Variants in SLC60A1 observed in about 807,000 individuals in gnomAD.
The protein encoded by SLC60A1 is solute carrier family 60 member 1.
At chr1:205,579,875 A>G in the SLC60A1 span, 33 of 1,614,112 alleles carry the variant, frequency 2.0e-5, no homozygotes, top group South Asian at 3.5e-4. Flanking sequence ...GGGCTTGGCC[A>G]TGGGCTGCAT....
chr1:205,570,540 A>G, the SLC60A1 span, among the ~76,000 whole-genome samples: 1 of 152,244 alleles, frequency 6.6e-6, no homozygotes, highest in African/African-American at 2.4e-5. Flanking sequence ...GTGTCAGTAC[A>G]GATGGACCCC....
the SLC60A1 span, chr1:205,586,107 A>G: frequency 6.2e-7 from 1 of 1,613,186 alleles, no homozygotes; most frequent in Non-Finnish European, 8.5e-7. Context: ...GTGGCTGGCT[A>G]CCTCCCCAGC....
chr1:205,599,099 T>A, the SLC60A1 span: 26 of 1,611,648 alleles, frequency 1.6e-5, no homozygotes, highest in East Asian at 5.4e-4. Flanking sequence ...AAGTTTTAAT[T>A]GTCTGTCTCT....
chr1:205,576,329 G>T, the SLC60A1 span, among the ~76,000 whole-genome samples: 2 of 152,222 alleles, frequency 1.3e-5, no homozygotes, highest in East Asian at 1.9e-4. Context: ...CACCTGGGAG[G>T]GGTGGCAAGT....
chr1:205,595,676 C>T, the SLC60A1 span, among the ~76,000 whole-genome samples: 1 of 152,286 alleles, frequency 6.6e-6, no homozygotes, highest in South Asian at 2.1e-4. Flanking sequence ...TCAATTTTCT[C>T]ATCTGTAAAA....
the SLC60A1 span, among the ~76,000 whole-genome samples, chr1:205,588,225 A>G: frequency 8.5e-5 from 13 of 152,192 alleles, no homozygotes; most frequent in Middle Eastern, 3.4e-3. Flanking sequence ...TAATCCCAGA[A>G]CTTTGGGAGG....
the SLC60A1 span, chr1:205,601,731 A>C: frequency 6.6e-6 from 1 of 152,294 alleles, no homozygotes; most frequent in Admixed American, 6.6e-5. Flanking sequence ...CTACAGGCGC[A>C]TGCCATCACG....
At chr1:205,590,294 G>C in the SLC60A1 span, among the ~76,000 whole-genome samples, 7 of 152,310 alleles carry the variant, frequency 4.6e-5, no homozygotes, top group African/African-American at 1.7e-4. Flanking sequence ...AGAGGGGAAA[G>C]CAAGAACAAA....
chr1:205,575,558 C>G, the SLC60A1 span, among the ~76,000 whole-genome samples: 1 of 152,110 alleles, frequency 6.6e-6, no homozygotes, highest in Non-Finnish European at 1.5e-5. Context: ...AACAGGTGCT[C>G]AAGGCAAGGC....
At chr1:205,576,727 C>T in the SLC60A1 span, among the ~76,000 whole-genome samples, 3 of 152,180 alleles carry the variant, frequency 2.0e-5, no homozygotes, top group African/African-American at 7.2e-5. Flanking sequence ...AACAGCATAT[C>T]ATTCTAAAGA....
At chr1:205,588,710 A>C in the SLC60A1 span, among the ~76,000 whole-genome samples, 1 of 152,180 alleles carries the variant, frequency 6.6e-6, no homozygotes, top group Non-Finnish European at 1.5e-5. Context: ...ATTCCTCTCT[A>C]GGTTAAATTA....
the SLC60A1 span, among the ~76,000 whole-genome samples, chr1:205,593,825 T>C: frequency 6.6e-6 from 1 of 152,322 alleles, no homozygotes; most frequent in Admixed American, 6.5e-5. Flanking sequence ...CTTCTGAGCT[T>C]GTGAGACCAT....
chr1:205,581,010 T>A, the SLC60A1 span: 2 of 1,494,360 alleles, frequency 1.3e-6, no homozygotes, highest in Admixed American at 4.0e-5. The surrounding 1 kb of genome is among the most constrained non-coding windows in gnomAD (Gnocchi z 4.2). Context: ...ATTCTTCAGA[T>A]GCTGAGAAAC....
the SLC60A1 span, among the ~76,000 whole-genome samples, chr1:205,575,543 G>A: frequency 0.3 from 46,159 of 152,064 alleles, 8,086 homozygotes; most frequent in East Asian, 0.78. Flanking sequence ...AACCAGGAAG[G>A]CAAGAACAGG....
At chr1:205,569,397 C>T in the SLC60A1 span, 5 of 872,858 alleles carry the variant, frequency 5.7e-6, no homozygotes, top group South Asian at 4.9e-5. Flanking sequence ...GCCTCTCCCC[C>T]GGCCCCGTGG....
At chr1:205,592,106 CAATTCCT>C in the SLC60A1 span, 1 of 1,611,960 alleles carries the variant, frequency 6.2e-7, no homozygotes, top group Non-Finnish European at 8.5e-7. Context: ...CAGCTTTTCG[CAATTCCT>C]AACCGCCTCC....
the SLC60A1 span, chr1:205,592,036 T>TA: frequency 6.7e-7 from 1 of 1,500,900 alleles, no homozygotes; most frequent in Non-Finnish European, 9.1e-7. Flanking sequence ...CTCCTTGGGC[T>TA]AGAGAGGAAA....
At chr1:205,597,712 TG>T in the SLC60A1 span, 11 of 1,559,574 alleles carry the variant, frequency 7.1e-6, no homozygotes, top group Non-Finnish European at 9.7e-6. Context: ...GCCAGCAACC[TG>T]GATTGTAATG....
At chr1:205,591,483 CA>C in the SLC60A1 span, among the ~76,000 whole-genome samples, 22,013 of 86,476 alleles carry the variant, frequency 0.25, 1,728 homozygotes, top group Non-Finnish European at 0.31. Context: ...CCCTGTCTCT[CA>C]AAAAAAAAAA....
Sources: allele counts gnomAD v4.1 joint callset (sites outside exome capture counted in the v4.1 genomes callset), GRCh38; gene constraint gnomAD v4.1.1; non-coding constraint Gnocchi (gnomAD v3.1); transcripts MANE v1.5; gene names NCBI Gene and HGNC (gene_info 2026-07-23, HGNC 2026-07-21).